LENG8: variants seen among roughly 807,000 people sequenced by gnomAD.
The protein encoded by LENG8 is leukocyte receptor cluster (LRC) member 8.
Under a neutral mutation model 102.1 loss-of-function variants are expected in LENG8, and 28 were observed. The ratio of observed to expected loss-of-function variants is 0.27; its 90% confidence interval spans 0.20 to 0.38. LENG8 has a LOEUF of 0.38. Among genes scored for constraint, LENG8 ranks in the 10% least tolerant of loss-of-function variants. The probability of loss-of-function intolerance (pLI) is 1.00; values close to 1 mark genes in which losing one functional copy is unlikely to be tolerated. For missense variants in LENG8, 1,022 were observed against 1,113.9 expected, an observed-to-expected ratio of 0.92 and a Z score of 1.17; for synonymous variants, 531 against 456.7, an observed-to-expected ratio of 1.16 and a Z score of -2.07.
chr19:54,460,633 C>T (rs1230405528), intron 15 of LENG8, 133 bp from the exon 16 acceptor site: 21 of 1,428,316 alleles, frequency 1.5e-5, no homozygotes, highest in South Asian at 1.1e-4. Context: ...GGCTGGGAGG[C>T]GGGTGGGGAG....
intron 4 of LENG8, among the ~76,000 whole-genome samples, chr19:54,453,055 G>C (rs190368876): frequency 0.031 from 4,701 of 152,332 alleles, 120 homozygotes; most frequent in South Asian, 0.13. Flanking sequence ...TGCCCTGGCT[G>C]CAGTGCTCCC....
Position 54,456,768 on chromosome 19 carries a change from C to G in LENG8, c.1578C>G (p.Leu526=). The change falls in exon 11 of 16, where the codon CTC becomes CTG. Residue 526 remains leucine, a synonymous_variant. Coordinates refer to ENST00000326764, the MANE Select transcript of LENG8 (RefSeq NM_052925.4). ...FQHGHSRRLR[L]EPLVLQMSSL... The stretch of plus-strand genomic sequence containing the variant: ...ACGGACACTCCCGCCGCCTGCGCCT[C>G]GAGCCCCTGGTGCTGCAGATGAGCA... 2 of 1,611,588 alleles carry G rather than the reference C, an allele frequency of 1.2e-6. No individual in the cohort carries two copies. Among genetic ancestry groups the G allele is most frequent in the Non-Finnish European group, 1.7e-6 (2 of 1,179,448 alleles).
Position 54,458,143 on chromosome 19 carries a change from A to G in LENG8, c.1943A>G (p.Lys648Arg). Residue 648 changes from lysine to arginine, a missense_variant, in exon 14 of 16, where the codon AAG becomes AGG. Lys to Arg is a conservative substitution (Grantham distance 26, BLOSUM62 2). Transcript: ENST00000326764. ...EEFNQCQTQL[K>R]SLYAENLPGN... ...TTTAACCAGTGCCAGACGCAGCTCA[A>G]GTCGCTGTACGCCGAGAACTTGCCT... 2 of 1,614,076 alleles carry G rather than the reference A, an allele frequency of 1.2e-6. No homozygotes were observed. The highest frequency in any genetic ancestry group is 1.7e-6 in the Non-Finnish European group (2 of 1,180,038).
intron 4 of LENG8, among the ~76,000 whole-genome samples, chr19:54,453,323 A>G (rs1396702135): frequency 1.3e-5 from 2 of 152,228 alleles, no homozygotes; most frequent in Admixed American, 6.5e-5. Flanking sequence ...GTTGGCACTC[A>G]GTATCGTTGA....
At position 54,460,842 on chromosome 19, in the gene LENG8, C is replaced by T. The variant is rs1320240422; in HGVS notation, c.2317C>T (p.Leu773=). 4 of 1,575,222 alleles carry T rather than the reference C, an allele frequency of 2.5e-6. No homozygotes were observed. The highest frequency in any genetic ancestry group is 3.4e-6 in the Non-Finnish European group (4 of 1,161,664). ...GGGCGAGGCCGCCTGCCGGGCCTTC[C>T]TAGAGCCCCTGGGCCTGGCCTACAC... ...FEGEAACRAF[L]EPLGLAYTGP... is the part of the protein sequence containing the mutation. The change falls in exon 16 of 16, where the codon CTA becomes TTA. Residue 773 remains leucine (L), a synonymous_variant. Coordinates refer to ENST00000326764, the MANE Select transcript of LENG8 (RefSeq NM_052925.4).
At chr19:54,450,620 T>C (rs2083917869) in intron 1 of LENG8, among the ~76,000 whole-genome samples, 1 of 58,774 alleles carries the variant, frequency 1.7e-5, no homozygotes, top group Non-Finnish European at 3.8e-5. Flanking sequence ...CTCCCTAGCT[T>C]TTTTTTTTTT....
At chr19:54,460,719 G>GGCCCAAC in intron 15 of LENG8, 47 bp from the exon 16 acceptor site, 2 of 778,914 alleles carry the variant, frequency 2.6e-6, no homozygotes, top group Non-Finnish European at 1.8e-6. Flanking sequence ...GCCCTCCCCT[G>GGCCCAAC]CCCTCCCGCC....
rs201331784 is a variant in LENG8, at chr19:54,455,384, A to G, written c.842A>G (p.Asn281Ser). The change falls in exon 8 of 16, where the codon AAC (asparagine) becomes AGC (serine). Residue 281 changes from asparagine to serine, a missense_variant. Transcript: ENST00000326764. Reference protein sequence around the residue: ...QNHSGSSARGNLSGKPDDWPQ... With the variant: ...QNHSGSSARGSLSGKPDDWPQ... The stretch of plus-strand genomic sequence containing the variant: ...CGCAGCGGGTCCTCTGCCCGGGGGA[A>G]CCTGTCTGGGAAGCCGGATGACTGG... 1.1e-5 allele frequency: 17 copies of G among 1,614,070 alleles called. No homozygotes were observed. In the East Asian group the frequency reaches 1.6e-4, roughly 15 times the overall value.
intron 15 of LENG8, chr19:54,460,191 T>C: frequency 1.6e-6 from 2 of 1,289,798 alleles, no homozygotes; most frequent in South Asian, 1.2e-5. Flanking sequence ...TGGGTTCCTG[T>C]GTGTGTGGAA....
chr19:54,456,121 CG>C lies in LENG8; in HGVS notation c.1184del (p.Gly395AlafsTer14). 6.2e-7 allele frequency: 1 copy of C among 1,610,546 alleles called. No individual in the cohort carries two copies. Among genetic ancestry groups the C allele is most frequent in the Non-Finnish European group, 8.5e-7 (1 of 1,177,716 alleles). ...CGGGGCTGGGGGTGCCGGTCGAGCC[CG>C]GGGCAACAGCTTCACCAAGTTTGGC... is the stretch of plus-strand genomic sequence containing the variant. ...TPGAGGAGRA[R>X]GNSFTKFGNR... On this transcript the variant is annotated frameshift_variant, in exon 9 of 16. Transcript: ENST00000326764. LOFTEE classifies it high-confidence loss of function.
At chr19:54,450,603 A>G (rs550580391) in intron 1 of LENG8, among the ~76,000 whole-genome samples, 3 of 136,544 alleles carry the variant, frequency 2.2e-5, no homozygotes, top group South Asian at 4.7e-4. Context: ...TCCTTTCACA[A>G]CCCGTACTCC....
At chr19:54,450,627 T>A (rs1016884804) in intron 1 of LENG8, among the ~76,000 whole-genome samples, 1 of 147,330 alleles carries the variant, frequency 6.8e-6, no homozygotes, top group African/African-American at 2.6e-5. Flanking sequence ...GCTTTTTTTT[T>A]TTTTTTTTTT....
At chr19:54,458,623 A>G (rs569099002) in intron 15 of LENG8, 102 bp downstream of exon 15, 25 of 1,568,740 alleles carry the variant, frequency 1.6e-5, no homozygotes, top group African/African-American at 2.7e-5. Context: ...CCAGCCCCCA[A>G]CCCTTGTCCT....
chr19:54,454,790 G>T, intron 6 of LENG8, 108 bp downstream of exon 6: 1 of 1,434,236 alleles, frequency 7.0e-7, no homozygotes. Context: ...TGTTGTGATC[G>T]CCAGGCTGGG....
At chr19:54,458,976 G>C (rs1204697297) in intron 15 of LENG8, 1 of 1,466,174 alleles carries the variant, frequency 6.8e-7, no homozygotes, top group African/African-American at 1.4e-5. Flanking sequence ...GAGAGCACCA[G>C]AAACGCTTAG....
Position 54,458,336 on chromosome 19 carries a change from C to G in LENG8, c.2055C>G (p.Tyr685Ter), listed in dbSNP as rs1224064857. ...NSGDITTELA[Y>*]LTRELKADPC... ...TAGACATCACCACGGAGCTGGCATACCTCACACGAGAACTGAAGGCAGATC... is the reference window on the plus strand; with the variant it reads ...TAGACATCACCACGGAGCTGGCATAGCTCACACGAGAACTGAAGGCAGATC... Residue 685 changes from tyrosine to a stop codon, truncating the protein, a stop_gained, in exon 15 of 16, where the codon TAC (tyrosine) becomes TAG (stop). Coordinates refer to ENST00000326764, the MANE Select transcript of LENG8 (RefSeq NM_052925.4). LOFTEE classifies it high-confidence loss of function. 2 of 1,613,862 alleles carry G rather than the reference C, an allele frequency of 1.2e-6. No individual in the cohort carries two copies. Among genetic ancestry groups the G allele is most frequent in the Non-Finnish European group, 1.7e-6 (2 of 1,179,984 alleles).
chr19:54,457,632 C>T (rs1599995671), intron 11 of LENG8, 115 bp from the exon 12 acceptor site: 7 of 775,980 alleles, frequency 9.0e-6, no homozygotes, highest in East Asian at 2.4e-5. Context: ...TGAGCCACTG[C>T]GCCTGGCCTT....
chr19:54,456,546 C>A (rs369823242), intron 10 of LENG8, 81 bp downstream of exon 10: 2 of 1,536,220 alleles, frequency 1.3e-6, no homozygotes, highest in Admixed American at 2.0e-5. Flanking sequence ...GGAGGAGGGC[C>A]GGACAGGTGG....
rs965671437 is a variant in LENG8 at position 54,461,937 on chromosome 19, T to C, written c.*1009T>C. 6 of 979,058 alleles carry C rather than the reference T, an allele frequency of 6.1e-6. No homozygotes were observed. Among genetic ancestry groups the C allele is most frequent in the Middle Eastern group, 2.1e-4 (1 of 4,818 alleles). 60.6% of individuals were successfully genotyped at this position (979,058 alleles called of 1,614,324 possible). Reference sequence around the variant, plus strand: ...TTCCCCTCCTCTCCCCTCCTTTTCCTTCCTTCCTTCCTTTCCTTGGAGCAC... The same window carrying C: ...TTCCCCTCCTCTCCCCTCCTTTTCCCTCCTTCCTTCCTTTCCTTGGAGCAC... On this transcript the variant is annotated 3_prime_UTR_variant, in exon 16 of 16. Transcript: ENST00000326764.
Sources: gnomAD v4.1 joint callset for allele counts (sites outside exome capture counted in the v4.1 genomes callset) on GRCh38, gnomAD v4.1.1 for gene constraint, MANE v1.5 for transcripts, NCBI Gene and HGNC (gene_info 2026-07-23, HGNC 2026-07-21) for gene names.